The following PHIP variants were observed in gnomAD, a reference collection of about 807,000 sequenced individuals.
PHIP encodes the protein PHIP subunit of CUL4-Ring ligase complex.
Under a neutral mutation model 236.8 loss-of-function variants are expected in PHIP, and 54 were observed. The ratio of observed to expected loss-of-function variants is 0.23; its 90% CI spans 0.18 to 0.29. PHIP has a LOEUF of 0.29. PHIP is among the 10% of genes least tolerant of loss of function. The probability of loss-of-function intolerance (pLI) is 1.00; values close to 1 mark genes in which losing one functional copy is unlikely to be tolerated. For missense variants in PHIP, 1,370 were observed against 2,190.8 expected, an observed-to-expected ratio of 0.63 and a Z score of 7.48; for synonymous variants, 756 against 718.9, an observed-to-expected ratio of 1.05 and a Z score of -0.83.
Position 78,978,687 on chromosome 6 carries a change from CAGTT to C in PHIP, c.2790_2793del (p.Thr931LysfsTer4). Reference sequence around the variant, plus strand: ...CATTCTTCTAATGTCAAACCATTTTCAGTTAGTTCTCCCACAGCCAATCTCTGAC... The same window carrying C: ...CATTCTTCTAATGTCAAACCATTTTCAGTTCTCCCACAGCCAATCTCTGAC... On this transcript the variant is annotated frameshift_variant, in exon 24 of 40. Coordinates refer to ENST00000275034, the MANE Select transcript of PHIP (RefSeq NM_017934.7). LOFTEE classifies it high-confidence loss of function. The C allele has an allele frequency of 1.3e-6, 2 of 1,594,788 alleles. No homozygotes were observed. The highest frequency in any genetic ancestry group is 1.3e-5 in the African/African-American group (1 of 74,798).
intron 7 of PHIP, among the ~76,000 whole-genome samples, chr6:79,040,570 T>C (rs1002452833): frequency 6.6e-6 from 1 of 152,150 alleles, no homozygotes; most frequent in Non-Finnish European, 1.5e-5. Context: ...TCTTAAAGGC[T>C]GATTCTATCT....
rs187217331 is a variant in PHIP, at chr6:78,978,479, A to C, written c.2889+113T>G. On this transcript the variant is annotated intron_variant, in intron 24 of 39. Coordinates refer to ENST00000275034, the MANE Select transcript of PHIP (RefSeq NM_017934.7). ...TCCATACATAGATACAAATATCTAG[A>C]ATGAGATACTTTACAAAACTGCTTC... 4.1e-5 allele frequency: 29 copies of C among 698,844 alleles called. No homozygotes were observed. In the African/African-American group the frequency reaches 4.6e-4, roughly 11 times the overall value. The allele number at this position is 698,844 out of a possible 1,614,324, so 43.3% of individuals were successfully genotyped here.
chr6:79,063,659 C>T (rs772127122), intron 4 of PHIP, among the ~76,000 whole-genome samples: 2 of 152,138 alleles, frequency 1.3e-5, no homozygotes, highest in Admixed American at 6.5e-5. Flanking sequence ...TCAAGTAATT[C>T]GCCCCCTAGG....
At chr6:78,971,950 G>A (rs1767604929) in intron 24 of PHIP, among the ~76,000 whole-genome samples, 1 of 152,168 alleles carries the variant, frequency 6.6e-6, no homozygotes, top group Non-Finnish European at 1.5e-5. Context: ...GAGGCTGGGG[G>A]AGGGGCGCCC....
In PHIP at chr6:78,958,494, G is replaced by T; in HGVS notation, c.3763C>A (p.Leu1255Ile). Residue 1255 changes from leucine (L) to isoleucine (I), a missense_variant, in exon 32 of 40, where the codon CTT (leucine) becomes ATT (isoleucine). Coordinates refer to ENST00000275034, the MANE Select transcript of PHIP (RefSeq NM_017934.7). ...IVKSAKFVTD[L>I]LLHFIKDQTC... Reference sequence around the variant, plus strand: ...ACTTACTTTATAAAATGTAGAAGAAGATCAGTCACGAATTTAGCAGATTTC... The same window carrying T: ...ACTTACTTTATAAAATGTAGAAGAATATCAGTCACGAATTTAGCAGATTTC... The T allele has an allele frequency of 6.5e-7, 1 of 1,537,742 alleles. No individual in the cohort carries two copies. Among genetic ancestry groups the T allele is most frequent in the Non-Finnish European group, 9.0e-7 (1 of 1,111,900 alleles).
At chr6:78,977,289 C>A (rs978004896) in intron 24 of PHIP, among the ~76,000 whole-genome samples, 8 of 151,292 alleles carry the variant, frequency 5.3e-5, no homozygotes, top group Non-Finnish European at 1.2e-4. Flanking sequence ...AAAAACCAAA[C>A]ACCGCATATT....
At chr6:79,077,353 G>C (rs1482508772) in intron 4 of PHIP, 95 bp downstream of exon 4, 4 of 1,185,514 alleles carry the variant, frequency 3.4e-6, no homozygotes, top group Non-Finnish European at 4.9e-6. Flanking sequence ...TCACGTTCTA[G>C]GGCCAAGTTT....
intron 35 of PHIP, among the ~76,000 whole-genome samples, chr6:78,954,256 C>T (rs1766253832): frequency 6.9e-6 from 1 of 145,220 alleles, no homozygotes; most frequent in Admixed American, 7.0e-5. Context: ...CACCCGCCCA[C>T]ACGCCTGGCT....
At position 78,997,564 on chromosome 6, in the gene PHIP, G is replaced by A. The variant is rs760657061; in HGVS notation, c.2051C>T (p.Pro684Leu). The A allele has an allele frequency of 5.6e-6, 9 of 1,613,648 alleles. No homozygotes were observed. The highest frequency in any genetic ancestry group is 7.6e-6 in the Non-Finnish European group (9 of 1,179,722). Residue 684 changes from proline (P) to leucine (L), a missense_variant, in exon 19 of 40, where the codon CCA becomes CTA. By Grantham distance (98) the Pro-to-Leu change is moderately conservative. This residue lies in a region of PHIP where 133 missense variants were observed against 245.2 expected (regional missense o/e 0.54). Coordinates refer to ENST00000275034, the MANE Select transcript of PHIP (RefSeq NM_017934.7). ...ACTACGTCTTAGTCCTACGTTTGGT[G>A]GTGAATGAACCTCTGAGGTAGAACT... ...SISSTSEVHS[P>L]PNVGLRRSGQ...
intron 6 of PHIP, among the ~76,000 whole-genome samples, chr6:79,057,572 A>C (rs950796878): frequency 2.6e-5 from 4 of 152,120 alleles, no homozygotes; most frequent in Non-Finnish European, 4.4e-5. Context: ...TTTGGGATCT[A>C]TATTAAACGT....
chr6:78,961,902 A>C lies in PHIP; in HGVS notation c.3536-92T>G, dbSNP rs149233344. 102 of 914,612 alleles carry C rather than the reference A, an allele frequency of 1.1e-4. No individual in the cohort carries two copies. The African/African-American group carries it at 1.7e-3, about 15-fold the overall frequency. The allele number at this position is 914,612 out of a possible 1,614,324, so 56.7% of individuals were successfully genotyped here. ...CTTGAATTAAGACTTAAAAAGTCCT[A>C]ATCTACATAATCATTAGTCTGCCAC... On this transcript the variant is annotated intron_variant, in intron 30 of 39. Coordinates refer to ENST00000275034, the MANE Select transcript of PHIP (RefSeq NM_017934.7).
intron 35 of PHIP, among the ~76,000 whole-genome samples, chr6:78,951,809 G>A (rs1774169403): frequency 1.3e-5 from 2 of 152,162 alleles, no homozygotes; most frequent in Admixed American, 1.3e-4. Flanking sequence ...TATTGTCTCA[G>A]AATATCACAT....
At chr6:79,007,563 T>C (rs530076939) in intron 15 of PHIP, among the ~76,000 whole-genome samples, 1 of 151,778 alleles carries the variant, frequency 6.6e-6, no homozygotes, top group East Asian at 1.9e-4. Flanking sequence ...TAACACAAAG[T>C]AGGAAGGTTA....
chr6:79,023,205 A>G (rs1234426663), intron 9 of PHIP, among the ~76,000 whole-genome samples: 1 of 152,162 alleles, frequency 6.6e-6, no homozygotes, highest in Non-Finnish European at 1.5e-5. Context: ...CAGACCCCTG[A>G]GTAGCTGGGA....
chr6:78,955,957 CTCAGTCT>C (rs1766392942), intron 32 of PHIP: 1 of 226,258 alleles, frequency 4.4e-6, no homozygotes, highest in African/African-American at 2.2e-5. Flanking sequence ...TCTTCCATTC[CTCAGTCT>C]TCAAACAGCT....
At chr6:78,997,944 CTT>C (rs1452725424) in intron 18 of PHIP, among the ~76,000 whole-genome samples, 1 of 152,094 alleles carries the variant, frequency 6.6e-6, no homozygotes, top group Non-Finnish European at 1.5e-5. Context: ...TGTTTTGACT[CTT>C]AAAGTTTAAT....
intron 8 of PHIP, 74 bp from the exon 9 acceptor site, chr6:79,025,693 C>T: frequency 1.1e-6 from 1 of 931,394 alleles, no homozygotes; most frequent in South Asian, 1.4e-5. Context: ...TTTTGCCATA[C>T]AAATAGCAAC....
intron 24 of PHIP, 51 bp downstream of exon 24, chr6:78,978,541 A>C (rs774817804): frequency 6.8e-7 from 1 of 1,468,854 alleles, no homozygotes; most frequent in Admixed American, 1.9e-5. Context: ...CTGTTAAAAA[A>C]TGTTTAAAAC....
At chr6:78,941,840 T>G (rs1773518256) in intron 39 of PHIP, among the ~76,000 whole-genome samples, 2 of 152,160 alleles carry the variant, frequency 1.3e-5, no homozygotes, top group African/African-American at 4.8e-5. Flanking sequence ...ATTATCATGA[T>G]TAAGATCCCA....
Sources: allele counts gnomAD v4.1 joint callset (sites outside exome capture counted in the v4.1 genomes callset), GRCh38; gene constraint gnomAD v4.1.1; regional missense constraint gnomAD v4.1.1; transcripts MANE v1.5; gene names NCBI Gene and HGNC (gene_info 2026-07-23, HGNC 2026-07-21).